MYLK4: variants seen among roughly 807,000 people sequenced by gnomAD.
The protein encoded by MYLK4 is myosin light chain kinase family member 4.
Under a neutral mutation model 48.1 loss-of-function variants are expected in MYLK4, and 46 were observed. That is an observed-to-expected ratio of 0.96 (90% CI 0.75 to 1.22). The LOEUF (loss-of-function observed/expected upper bound fraction) is 1.22, where lower values mean the gene tolerates loss of function less well. Ranked by LOEUF, MYLK4 falls within the 50% of genes most tolerant of loss-of-function variation. MYLK4 has a pLI of 0.00. For synonymous variants in MYLK4, 170 were observed against 180.8 expected (o/e 0.94, Z 0.48); for missense variants, 451 against 486.1 (o/e 0.93, Z 0.68).
chr6:2,770,142 A>T, the MYLK4 span: 1 of 1,614,170 alleles, frequency 6.2e-7, no homozygotes. Flanking sequence ...CCTCACGTGG[A>T]ATGTGGGACG....
At chr6:2,676,091 C>CAAAAAAAAAAAAAAAAAAAAA (rs34207127) in intron 10 of MYLK4, among the ~76,000 whole-genome samples, 1 of 128,260 alleles carries the variant, frequency 7.8e-6, no homozygotes, top group Non-Finnish European at 1.6e-5. Flanking sequence ...GATTCTGTCT[C>CAAAAAAAAAAAAAAAAAAAAA]AAAAAAAAAA....
intron 2 of MYLK4, among the ~76,000 whole-genome samples, chr6:2,742,930 T>C (rs2113364677): frequency 6.6e-6 from 1 of 152,220 alleles, no homozygotes; most frequent in African/African-American, 2.4e-5. Context: ...CTAACTCCCC[T>C]AGAGAAATTT....
At position 2,725,511 on chromosome 6, in the gene MYLK4, G is replaced by GAAAA. The variant is rs1475668987; in HGVS notation, c.159+23624_159+23625insTTTT. 2.0e-3 allele frequency among the ~76,000 whole-genome samples: 290 copies of GAAAA among 147,194 alleles called. 1 individual carries two copies. Among genetic ancestry groups the GAAAA allele is most frequent in the African/African-American group, 7.2e-3 (274 of 37,818 alleles). ...GAAGAAAGAGAGGGGGAGAGAGAGAGAGACAGAGAGAGAGAAAAAGAAACA... is the reference window on the plus strand; with the variant it reads ...GAAGAAAGAGAGGGGGAGAGAGAGAGAAAAAGACAGAGAGAGAGAAAAAGAAACA... On this transcript the variant is annotated intron_variant, in intron 2 of 12. Coordinates refer to ENST00000274643, the MANE Select transcript of MYLK4 (RefSeq NM_001012418.5).
At chr6:2,738,111 T>C (rs1446835821) in intron 2 of MYLK4, among the ~76,000 whole-genome samples, 2 of 152,002 alleles carry the variant, frequency 1.3e-5, no homozygotes, top group Non-Finnish European at 2.9e-5. Flanking sequence ...TATGTGAAAC[T>C]AGATTGCACA....
chr6:2,764,000 C>T, the MYLK4 span, among the ~76,000 whole-genome samples: 25 of 152,268 alleles, frequency 1.6e-4, no homozygotes, highest in Admixed American at 6.5e-4. Flanking sequence ...GGTGTGGTGG[C>T]GGACGCCCGT....
intron 7 of MYLK4, among the ~76,000 whole-genome samples, chr6:2,682,615 G>A (rs1938245570): frequency 6.6e-6 from 1 of 152,178 alleles, no homozygotes; most frequent in Non-Finnish European, 1.5e-5. Context: ...GACTCGAGGA[G>A]CTGCCGGCGA....
At position 2,667,515 on chromosome 6, in the gene MYLK4, C is replaced by G. The variant is rs1760704867; in HGVS notation, c.*410G>C. The G allele has an allele frequency of 6.6e-6, 1 of 152,314 alleles. No homozygotes were observed. Among genetic ancestry groups the G allele is most frequent in the African/African-American group, 2.4e-5 (1 of 41,426 alleles). The allele number at this position is 152,314 out of a possible 1,614,324, so 9.4% of individuals were successfully genotyped here. A position where few individuals can be genotyped will look rare whatever the true frequency, so the allele number is the denominator to read the frequency against. On this transcript the variant is annotated 3_prime_UTR_variant, in exon 13 of 13. Transcript: ENST00000274643. ...AATGGCTGGAAGTAGCTTTCTCCCT[C>G]TAAATGCATCCTCCAGTTTTAAAAT... is the stretch of plus-strand genomic sequence containing the variant.
In MYLK4 at chr6:2,671,223, T is replaced by A. The variant is rs1035030638; in HGVS notation, c.*25+53A>T. The A allele has an allele frequency of 4.1e-6, 5 of 1,217,964 alleles. No individual in the cohort carries two copies. The African/African-American group carries it at 7.5e-5, about 18-fold the overall frequency. The allele number at this position is 1,217,964 out of a possible 1,614,324, so 75.4% of individuals were successfully genotyped here. On this transcript the variant is annotated intron_variant, in intron 12 of 12. Transcript: ENST00000274643. ...GAGCAAATGCTCCATTTATTTCTTATTCCTATCTCTTAAGGCCTTCACAGA... is the reference window on the plus strand; with the variant it reads ...GAGCAAATGCTCCATTTATTTCTTAATCCTATCTCTTAAGGCCTTCACAGA...
Position 2,693,005 on chromosome 6 carries a change from A to T in MYLK4, c.160-146T>A, listed in dbSNP as rs545749341. 4.3e-6 allele frequency: 3 copies of T among 694,558 alleles called. No homozygotes were observed. In the Admixed American group the frequency reaches 8.9e-5, roughly 21 times the overall value. 43.0% of individuals were successfully genotyped at this position (694,558 alleles called of 1,614,324 possible). A position where few individuals can be genotyped will look rare whatever the true frequency, so the allele number is the denominator to read the frequency against. On this transcript the variant is annotated intron_variant, in intron 2 of 12. Transcript: ENST00000274643. ...ACAGCAGCATCACTGGCCTCTATCC[A>T]CCAGATGCCAGTAGCACCCTCCCTC...
intron 6 of MYLK4, among the ~76,000 whole-genome samples, 197 bp from the exon 7 acceptor site, chr6:2,683,359 A>T: frequency 6.7e-6 from 1 of 149,096 alleles, no homozygotes; most frequent in Admixed American, 6.7e-5. Flanking sequence ...TAATCTCACA[A>T]ATGGAAATCC....
chr6:2,766,190 G>T, the MYLK4 span: 1 of 1,396,334 alleles, frequency 7.2e-7, no homozygotes, highest in Non-Finnish European at 9.3e-7. Flanking sequence ...GGGGCACTGG[G>T]ACGCGGACGC....
intron 2 of MYLK4, among the ~76,000 whole-genome samples, chr6:2,703,516 A>T (rs2147401): frequency 0.012 from 1,891 of 152,096 alleles, 23 homozygotes; most frequent in Non-Finnish European, 0.019. Context: ...TTCTTAATCT[A>T]TGGGTCTGGG....
At chr6:2,753,978 T>C (rs948966858), upstream of MYLK4, among the ~76,000 whole-genome samples, 1 of 126,514 alleles carries the variant, frequency 7.9e-6, no homozygotes, top group Non-Finnish European at 1.6e-5. Flanking sequence ...CTGGGCAACA[T>C]AGCAAGACCC....
chr6:2,715,553 CAGG>C (rs1561860569), intron 2 of MYLK4, among the ~76,000 whole-genome samples: 1 of 152,172 alleles, frequency 6.6e-6, no homozygotes, highest in Non-Finnish European at 1.5e-5. Flanking sequence ...GTTGTATGAG[CAGG>C]AGGTTTTTCC....
At chr6:2,707,090 C>T (rs1762518558) in intron 2 of MYLK4, among the ~76,000 whole-genome samples, 2 of 152,156 alleles carry the variant, frequency 1.3e-5, no homozygotes, top group African/African-American at 4.8e-5. Flanking sequence ...CACAAAGCAA[C>T]ACGGGACAGT....
At chr6:2,750,235 T>C (rs973575499) in intron 1 of MYLK4, among the ~76,000 whole-genome samples, 3 of 152,222 alleles carry the variant, frequency 2.0e-5, no homozygotes, top group African/African-American at 2.4e-5. Flanking sequence ...AAAAACCGTA[T>C]TGTGATTCTC....
rs1178526894 is a variant in MYLK4, at chr6:2,723,522, T to C, written c.159+25614A>G. On this transcript the variant is annotated intron_variant, in intron 2 of 12. Transcript: ENST00000274643. ...AACTGCTGACGTCCCTCACACTGAG[T>C]TAGCTTGAGGTTCTCTCGCCCTCGC... Among the ~76,000 whole-genome samples the C allele has an allele frequency of 3.3e-5, 5 of 152,336 alleles. No homozygotes were observed. In the South Asian group the frequency reaches 6.2e-4, roughly 19 times the overall value.
At chr6:2,770,013 G>A in the MYLK4 span, 7 of 1,503,240 alleles carry the variant, frequency 4.7e-6, no homozygotes, top group South Asian at 1.3e-5. Flanking sequence ...TCCTGAACTC[G>A]AAAGATAAAA....
At chr6:2,763,180 G>T in the MYLK4 span, among the ~76,000 whole-genome samples, 1 of 152,220 alleles carries the variant, frequency 6.6e-6, no homozygotes, top group Non-Finnish European at 1.5e-5. Context: ...CCTTGAGCTA[G>T]ATACAGAGTG....
Sources: gnomAD v4.1 joint callset for allele counts (sites outside exome capture counted in the v4.1 genomes callset) on GRCh38, gnomAD v4.1.1 for gene constraint, MANE v1.5 for transcripts, NCBI Gene and HGNC (gene_info 2026-07-23, HGNC 2026-07-21) for gene names.